Variants in ZNF701 observed in about 807,000 individuals in gnomAD.
ZNF701 encodes zinc finger protein 701.
A neutral mutation model predicts 7.1 loss-of-function variants in ZNF701; 6 were observed. The ratio of observed to expected loss-of-function variants is 0.84; its 90% CI spans 0.46 to 1.66. The LOEUF (loss-of-function observed/expected upper bound fraction) is 1.66, where lower values mean the gene tolerates loss of function less well. Ranked by LOEUF, ZNF701 falls within the 40% of genes most tolerant of loss-of-function variation. ZNF701 has a pLI of 0.01. For missense variants in ZNF701, 541 were observed against 559.2 expected (o/e 0.97, Z 0.33); for synonymous variants, 166 against 188.2 (o/e 0.88, Z 0.97).
chr19:52,592,613 T>C, the ZNF701 span, among the ~76,000 whole-genome samples: 1 of 152,174 alleles, frequency 6.6e-6, no homozygotes, highest in South Asian at 2.1e-4. Context: ...ATTTTGTTTT[T>C]ATGAGACAGA....
At chr19:52,574,213 C>T (rs1377300517) in intron 2 of ZNF701, 51 bp downstream of exon 2, 1 of 1,599,194 alleles carries the variant, frequency 6.3e-7, no homozygotes, top group East Asian at 2.2e-5. Flanking sequence ...TTCAGAAATG[C>T]TGATCTTGGA....
downstream of ZNF701, among the ~76,000 whole-genome samples, chr19:52,587,561 T>G (rs780959086): frequency 6.6e-6 from 1 of 152,184 alleles, no homozygotes; most frequent in Non-Finnish European, 1.5e-5. Flanking sequence ...CACTTGACAT[T>G]GCAGCGCCAC....
the ZNF701 span, among the ~76,000 whole-genome samples, chr19:52,592,772 T>TAGAGATGGGATATGACC: frequency 7.0e-5 from 9 of 127,856 alleles, no homozygotes; most frequent in African/African-American, 8.8e-5. Flanking sequence ...GTATTTTTTT[T>TAGAGATGGGATATGACC]ATTTTTATTT....
At chr19:52,578,615 A>G (rs1269146030) in intron 3 of ZNF701, among the ~76,000 whole-genome samples, 2 of 152,166 alleles carry the variant, frequency 1.3e-5, no homozygotes, top group East Asian at 3.9e-4. Context: ...TGGACCCTAC[A>G]CCAAAGCGCT....
chr19:52,590,312 G>A (rs2060032123), downstream of ZNF701, among the ~76,000 whole-genome samples: 2 of 151,722 alleles, frequency 1.3e-5, no homozygotes, highest in South Asian at 4.2e-4. Flanking sequence ...TAATGACCAG[G>A]CTGTTCTGCA....
chr19:52,571,409 GGCAGAGAT>G (rs550031218), intron 1 of ZNF701, among the ~76,000 whole-genome samples: 2 of 152,028 alleles, frequency 1.3e-5, no homozygotes, highest in Non-Finnish European at 2.9e-5. Context: ...CAGGGAGAGC[GGCAGAGAT>G]GCAGAGATGG....
chr19:52,582,896 CA>C lies in ZNF701; in HGVS notation c.838del (p.Ser280ValfsTer7), dbSNP rs1317984210. 6.2e-7 allele frequency: 1 copy of C among 1,612,676 alleles called. No homozygotes were observed. Among genetic ancestry groups the C allele is most frequent in the African/African-American group, 1.3e-5 (1 of 74,784 alleles). On this transcript the variant is annotated frameshift_variant, in exon 4 of 4. Transcript: ENST00000391785. LOFTEE classifies it low-confidence loss of function (END_TRUNC). ...CGTGTAATGAGTGTGGCAAGACATT[CA>C]GTCACAATTCAGCCCTGTTAGTTCA... ...YTCNECGKTF[S>X]HNSALLVHKA...
chr19:52,587,824 A>G (rs1026602520), downstream of ZNF701, among the ~76,000 whole-genome samples: 2 of 152,208 alleles, frequency 1.3e-5, no homozygotes, highest in African/African-American at 4.8e-5. Context: ...CACACCCTCA[A>G]TAATACAATG....
chr19:52,579,740 C>G (rs10460165), intron 3 of ZNF701, among the ~76,000 whole-genome samples: 88,874 of 135,794 alleles, frequency 0.65, 31,832 homozygotes, highest in Non-Finnish European at 0.73. Context: ...CAGGCACGGT[C>G]GTGGGTGGCA....
At chr19:52,588,078 T>C (rs144455213), downstream of ZNF701, among the ~76,000 whole-genome samples, 2 of 152,210 alleles carry the variant, frequency 1.3e-5, no homozygotes, top group African/African-American at 4.8e-5. Context: ...TCCTGTGGGA[T>C]GTCCTTATGT....
At position 52,585,334 on chromosome 19, in the gene ZNF701, G is replaced by GC. The variant is rs1032064221; in HGVS notation, c.*1879dup. ...CACTCCCGGGAAGGCCGCGTCCTCTGCCTGGTCCTGGGATCCTGCAGACCC... is the reference window on the plus strand; with the variant it reads ...CACTCCCGGGAAGGCCGCGTCCTCTGCCCTGGTCCTGGGATCCTGCAGACCC... On this transcript the variant is annotated 3_prime_UTR_variant, in exon 4 of 4. Transcript: ENST00000391785. 6 of 152,610 alleles carry GC rather than the reference G, an allele frequency of 3.9e-5. No homozygotes were observed. The highest frequency in any genetic ancestry group is 1.4e-4 in the African/African-American group (6 of 41,398). 9.5% of individuals were successfully genotyped at this position (152,610 alleles called of 1,614,324 possible). A position where few individuals can be genotyped will look rare whatever the true frequency, so the allele number is the denominator to read the frequency against.
At chr19:52,595,905 TTCATTCGCA>T in the ZNF701 span, 2 of 1,613,060 alleles carry the variant, frequency 1.2e-6, 1 homozygote, top group Non-Finnish European at 1.7e-6. Context: ...GGATCAAGCT[TTCATTCGCA>T]TCTGCCTGAA....
At chr19:52,590,083 C>T (rs867706553), downstream of ZNF701, among the ~76,000 whole-genome samples, 7 of 149,216 alleles carry the variant, frequency 4.7e-5, no homozygotes, top group African/African-American at 1.2e-4. Context: ...CATGAGCCAC[C>T]GTGCCTGGCC....
intron 3 of ZNF701, among the ~76,000 whole-genome samples, chr19:52,577,866 C>G (rs559896820): frequency 6.6e-6 from 1 of 152,208 alleles, no homozygotes; most frequent in East Asian, 1.9e-4. Flanking sequence ...TGCTCCTTGT[C>G]TACTTTCATG....
rs2059988585 is a variant in ZNF701 at position 52,583,219 on chromosome 19, G to A, written c.1160G>A (p.Cys387Tyr). Residue 387 changes from cysteine (C) to tyrosine (Y), a missense_variant, in exon 4 of 4, where the codon TGT becomes TAT. Physicochemically the swap from Cys to Tyr is radical, Grantham distance 194 (BLOSUM62 -2). Transcript: ENST00000391785. ...GAGAAACCTTACAAGTGTAATGAGT[G>A]TGGCAAGACCTTTGTTCAAAATTCA... Reference protein sequence around the residue: ...TGEKPYKCNECGKTFVQNSSL... With the variant: ...TGEKPYKCNEYGKTFVQNSSL... The A allele has an allele frequency of 6.2e-7, 1 of 1,610,466 alleles. No individual in the cohort carries two copies. Among genetic ancestry groups the A allele is most frequent in the East Asian group, 2.2e-5 (1 of 44,842 alleles).
rs546511 is a variant in ZNF701, at chr19:52,571,377, A to T, written c.-72+1047A>T. On this transcript the variant is annotated intron_variant, in intron 1 of 3. Coordinates refer to ENST00000391785, the MANE Select transcript of ZNF701 (RefSeq NM_018260.3). ...TGCTAGAGAGTGGGGACGGGGGGTA[A>T]AACAGAGAAGAGAGAATTTAACAGG... 1.3e-3 allele frequency among the ~76,000 whole-genome samples: 195 copies of T among 151,842 alleles called. 1 individual carries two copies. The highest frequency in any genetic ancestry group is 3.7e-3 in the South Asian group (18 of 4,816).
Position 52,583,421 on chromosome 19 carries a change from A to G in ZNF701, c.1362A>G (p.Glu454=), listed in dbSNP as rs1178616533. 6.2e-7 allele frequency: 1 copy of G among 1,613,724 alleles called. No individual in the cohort carries two copies. Among genetic ancestry groups the G allele is most frequent in the Non-Finnish European group, 8.5e-7 (1 of 1,179,764 alleles). ...TTTTTAATCGAAAATCAAACCTTGA[A>G]CGTCATCATAGACTTCATACTGGAA... ...GKVFNRKSNL[E]RHHRLHTGKK... Residue 454 remains glutamate, a synonymous_variant, in exon 4 of 4, where the codon GAA becomes GAG. Coordinates refer to ENST00000391785, the MANE Select transcript of ZNF701 (RefSeq NM_018260.3).
intron 2 of ZNF701, among the ~76,000 whole-genome samples, chr19:52,574,884 A>G (rs2059923021): frequency 6.6e-6 from 1 of 152,178 alleles, no homozygotes; most frequent in South Asian, 2.1e-4. Context: ...TGGGAGCAGT[A>G]CTTGCAGCTG....
Position 52,576,021 on chromosome 19 carries a change from G to C in ZNF701, c.142G>C (p.Asp48His), listed in dbSNP as rs1357911985. 7.6e-6 allele frequency: 12 copies of C among 1,582,010 alleles called. No individual in the cohort carries two copies. The highest frequency in any genetic ancestry group is 9.4e-6 in the Non-Finnish European group (11 of 1,171,584). The stretch of plus-strand genomic sequence containing the variant: ...GAATTATAGGAACCTGGTCTCCCTG[G>C]GTGAGGATAACTTCCCTCCAGAAGT... ...LENYRNLVSL[D>H]TSSKCMMKMF... The change falls in exon 3 of 4, where the codon GAT becomes CAT. Residue 48 changes from aspartate to histidine, a missense_variant and splice_region_variant. Transcript: ENST00000391785.
Sources: gnomAD v4.1 joint callset for allele counts (sites outside exome capture counted in the v4.1 genomes callset) on GRCh38, gnomAD v4.1.1 for gene constraint, MANE v1.5 for transcripts, NCBI Gene and HGNC (gene_info 2026-07-23, HGNC 2026-07-21) for gene names.